Variants in CD84 observed in about 807,000 individuals in gnomAD.
The protein encoded by CD84 is CD84 molecule.
A neutral mutation model predicts 33.8 loss-of-function variants in CD84; 22 were observed. The ratio of observed to expected loss-of-function variants is 0.65; its 90% CI spans 0.46 to 0.93. The LOEUF is 0.93. CD84 is among the 40% of genes least tolerant of loss of function. The probability of loss-of-function intolerance (pLI) is 0.00; values close to 1 mark genes in which losing one functional copy is unlikely to be tolerated. For missense variants in CD84, 400 were observed against 397.6 expected, an observed-to-expected ratio of 1.01 and a Z score of -0.05; for synonymous variants, 154 against 145.2, an observed-to-expected ratio of 1.06 and a Z score of -0.44.
chr1:160,574,728 G>A (rs184318684), intron 1 of CD84, among the ~76,000 whole-genome samples: 2 of 152,252 alleles, frequency 1.3e-5, no homozygotes, highest in East Asian at 1.9e-4. Flanking sequence ...GGGAAAGTCA[G>A]TAACCTCTCT....
In CD84 at chr1:160,560,415, T is replaced by C. The variant is rs910400504; in HGVS notation, c.388+4989A>G. 1.2e-4 allele frequency among the ~76,000 whole-genome samples: 19 copies of C among 152,188 alleles called. 1 individual carries two copies. Among genetic ancestry groups the C allele is most frequent in the African/African-American group, 4.6e-4 (19 of 41,530 alleles). On this transcript the variant is annotated intron_variant, in intron 2 of 6. Transcript: ENST00000368054. ...ATGACTCTTGGGTAAACAATGAAAT[T>C]AAGGCAGAAATCAAGTTCTTTGAAA...
chr1:160,561,852 G>A (rs1656993830), intron 2 of CD84, among the ~76,000 whole-genome samples: 1 of 151,990 alleles, frequency 6.6e-6, no homozygotes, highest in African/African-American at 2.4e-5. Context: ...AATCACTAAT[G>A]TTCCTATACA....
intron 2 of CD84, among the ~76,000 whole-genome samples, chr1:160,555,541 G>A (rs1465022776): frequency 2.0e-5 from 3 of 152,108 alleles, no homozygotes; most frequent in African/African-American, 7.2e-5. Context: ...AAAGTTGAAG[G>A]CTAGTAAAGG....
At chr1:160,553,081 C>A in intron 4 of CD84, 1 of 570,976 alleles carries the variant, frequency 1.8e-6, no homozygotes, top group Non-Finnish European at 3.2e-6. Context: ...GGGCCCTGAG[C>A]TGGAAAGGTG....
intron 4 of CD84, 120 bp from the exon 5 acceptor site, chr1:160,551,155 C>T: frequency 2.6e-6 from 2 of 774,148 alleles, no homozygotes; most frequent in Non-Finnish European, 4.5e-6. Flanking sequence ...AAATGGCTGC[C>T]ATCCTTTGAA....
At chr1:160,558,923 G>A (rs1656775036) in intron 2 of CD84, among the ~76,000 whole-genome samples, 1 of 151,566 alleles carries the variant, frequency 6.6e-6, no homozygotes, top group Admixed American at 6.6e-5. Flanking sequence ...AGGCAGACAA[G>A]AAAAAAGAAA....
At chr1:160,555,592 T>C (rs1656557548) in intron 2 of CD84, among the ~76,000 whole-genome samples, 1 of 152,204 alleles carries the variant, frequency 6.6e-6, no homozygotes, top group Admixed American at 6.5e-5. Flanking sequence ...TAGCTAGGAC[T>C]GGAGCTGGCA....
chr1:160,574,571 G>T (rs1345006873), intron 1 of CD84, among the ~76,000 whole-genome samples: 1 of 152,202 alleles, frequency 6.6e-6, no homozygotes, highest in Non-Finnish European at 1.5e-5. Flanking sequence ...GTGCTCTCAA[G>T]TGTGTGTACT....
chr1:160,549,995 C>T lies in CD84; in HGVS notation c.859-16G>A. 6.3e-7 allele frequency: 1 copy of T among 1,588,448 alleles called. No homozygotes were observed. Among genetic ancestry groups the T allele is most frequent in the South Asian group, 1.1e-5 (1 of 90,578 alleles). On this transcript the variant is annotated splice_polypyrimidine_tract_variant and intron_variant, in intron 5 of 6. Coordinates refer to ENST00000368054, the MANE Select transcript of CD84 (RefSeq NM_003874.4). ...AGGGAAGCACCTGTAAAACACACATCTTCCCCTCAGTGAGGGAGCCCAGGC... is the reference window on the plus strand; with the variant it reads ...AGGGAAGCACCTGTAAAACACACATTTTCCCCTCAGTGAGGGAGCCCAGGC...
chr1:160,550,318 C>A (rs529351140), intron 5 of CD84, among the ~76,000 whole-genome samples: 2 of 151,944 alleles, frequency 1.3e-5, no homozygotes, highest in Admixed American at 6.6e-5. Flanking sequence ...CCAAGCACAG[C>A]GCTAGACTGA....
At chr1:160,559,450 C>T (rs112097760) in intron 2 of CD84, among the ~76,000 whole-genome samples, 4,914 of 152,164 alleles carry the variant, frequency 0.032, 275 homozygotes, top group African/African-American at 0.11. Context: ...TTGCGACCAC[C>T]AGGCCTGCCT....
intron 3 of CD84, 174 bp from the exon 4 acceptor site, chr1:160,553,671 A>T (rs1393675908): frequency 1.0e-6 from 1 of 969,662 alleles, no homozygotes; most frequent in Non-Finnish European, 1.5e-6. Flanking sequence ...AAATTGAATC[A>T]GAGAGTTGAT....
intron 1 of CD84, among the ~76,000 whole-genome samples, chr1:160,576,067 T>C (rs181825993): frequency 1.3e-5 from 2 of 152,348 alleles, no homozygotes; most frequent in South Asian, 4.1e-4. Context: ...GGTAGTCATC[T>C]GCTTAAATCT....
At chr1:160,553,066 T>C (rs927204815) in intron 4 of CD84, 1 of 563,732 alleles carries the variant, frequency 1.8e-6, no homozygotes, top group South Asian at 2.1e-5. Flanking sequence ...ACATTTCACA[T>C]GTGAGGGCCC....
chr1:160,542,462 A>C lies in CD84; in HGVS notation c.*5794T>G, dbSNP rs777568479. On this transcript the variant is annotated 3_prime_UTR_variant, in exon 7 of 7. Coordinates refer to ENST00000368054, the MANE Select transcript of CD84 (RefSeq NM_003874.4). ...AAACTTGAGGTGACTTCTGACATCT[A>C]TGCAGAGATGACCCATAAACTATTG... 1 of 152,260 alleles carries C rather than the reference A, an allele frequency of 6.6e-6. No individual in the cohort carries two copies. The highest frequency in any genetic ancestry group is 1.5e-5 in the Non-Finnish European group (1 of 68,040). The allele number at this position is 152,260 out of a possible 1,614,324, so 9.4% of individuals were successfully genotyped here. A position where few individuals can be genotyped will look rare whatever the true frequency, so the allele number is the denominator to read the frequency against.
rs1029363964 is a variant in CD84 at position 160,547,010 on chromosome 1, C to T, written c.*1246G>A. The T allele has an allele frequency of 1.0e-5, 4 of 397,388 alleles. No individual in the cohort carries two copies. 24.6% of individuals were successfully genotyped at this position (397,388 alleles called of 1,614,324 possible). A position where few individuals can be genotyped will look rare whatever the true frequency, so the allele number is the denominator to read the frequency against. On this transcript the variant is annotated 3_prime_UTR_variant, in exon 7 of 7. Coordinates refer to ENST00000368054, the MANE Select transcript of CD84 (RefSeq NM_003874.4). ...GGGATTTAGGAGTTAGCCGATTATA[C>T]TTGCTAACACATAAGGGAAACACTT...
chr1:160,563,312 C>T (rs1657110723), intron 2 of CD84, among the ~76,000 whole-genome samples: 1 of 152,142 alleles, frequency 6.6e-6, no homozygotes, highest in Non-Finnish European at 1.5e-5. Flanking sequence ...TTCATTGCAG[C>T]ACTATTCACA....
At position 160,548,298 on chromosome 1, in the gene CD84, G is replaced by C; in HGVS notation, c.945C>G (p.Asp315Glu). The change falls in exon 7 of 7, where the codon GAC (aspartate) becomes GAG (glutamate). Residue 315 changes from aspartate (D) to glutamate (E), a missense_variant. Asp to Glu is a conservative substitution (Grantham distance 45). Transcript: ENST00000368054. ...ADKMGKASTQ[D>E]SKPPGTSSYE... The stretch of plus-strand genomic sequence containing the variant: ...AGCTTGAAGTCCCAGGAGGTTTACT[G>C]TCCTGTGTGCTGGCTTTCCCCATCT... 1 of 1,614,212 alleles carries C rather than the reference G, an allele frequency of 6.2e-7. No individual in the cohort carries two copies. The highest frequency in any genetic ancestry group is 8.5e-7 in the Non-Finnish European group (1 of 1,180,036).
chr1:160,570,506 A>G (rs1157502167), intron 1 of CD84, among the ~76,000 whole-genome samples: 1 of 152,202 alleles, frequency 6.6e-6, no homozygotes, highest in Non-Finnish European at 1.5e-5. Context: ...CGTTGGTCAT[A>G]TGACTAAGTT....
Sources: gnomAD v4.1 joint callset for allele counts (sites outside exome capture counted in the v4.1 genomes callset) on GRCh38, gnomAD v4.1.1 for gene constraint, MANE v1.5 for transcripts, NCBI Gene and HGNC (gene_info 2026-07-23, HGNC 2026-07-21) for gene names.